The following CEP89 variants were observed in gnomAD, a reference collection of about 807,000 sequenced individuals.
The protein encoded by CEP89 is centrosomal protein of 89 kDa.
Under a neutral mutation model 97.6 loss-of-function variants are expected in CEP89, and 95 were observed. That is an observed-to-expected ratio of 0.97 (90% CI 0.82 to 1.15). CEP89 has a LOEUF of 1.15. Among genes scored for constraint, CEP89 ranks in the 50% most tolerant of loss-of-function variants. The probability of loss-of-function intolerance (pLI) is 0.00; values close to 1 mark genes in which losing one functional copy is unlikely to be tolerated. For missense variants in CEP89, 869 were observed against 947.7 expected (o/e 0.92, Z 1.09); for synonymous variants, 354 against 349.1 (o/e 1.01, Z -0.16).
chr19:32,915,354 A>T lies in CEP89; in HGVS notation c.1548T>A (p.Ile516=), dbSNP rs1970101385. ...GKIAVEVHKS[I]VNELKSQLQK... The stretch of plus-strand genomic sequence containing the variant: ...ATCCTTACCTTTTTAATTCATTCAC[A>T]ATTGATTTATGAACTTCCACTGCGA... The change falls in exon 14 of 19, where the codon ATT becomes ATA. Residue 516 remains isoleucine (I), a synonymous_variant. Coordinates refer to ENST00000305768, the MANE Select transcript of CEP89 (RefSeq NM_032816.5). 1 of 1,600,338 alleles carries T rather than the reference A, an allele frequency of 6.2e-7. No homozygotes were observed.
chr19:32,915,401 T>C lies in CEP89; in HGVS notation c.1501A>G (p.Lys501Glu). Residue 501 changes from lysine (K) to glutamate (E), a missense_variant, in exon 14 of 19, where the codon AAA (lysine) becomes GAA (glutamate). By Grantham distance (56) the Lys-to-Glu change is moderately conservative (BLOSUM62 1). Transcript: ENST00000305768. ...GCGATTTTGCCATCCGAGTGTGTTT[T>C]GAGTTCTTGGCATTTGGCACGTAAA... ...EILRAKCQELKTHSDGKIAVE... is the reference protein window; with the variant it reads ...EILRAKCQELETHSDGKIAVE... 1 of 1,613,940 alleles carries C rather than the reference T, an allele frequency of 6.2e-7. No individual in the cohort carries two copies.
At chr19:32,963,543 C>T (rs1034221256) in intron 2 of CEP89, 2 of 152,152 alleles carry the variant, frequency 1.3e-5, no homozygotes, top group African/African-American at 4.8e-5. Flanking sequence ...GTTCTGTCGT[C>T]AACAAGGTTG....
chr19:32,915,853 A>G (rs1970114698), intron 13 of CEP89, among the ~76,000 whole-genome samples: 1 of 151,542 alleles, frequency 6.6e-6, no homozygotes, highest in South Asian at 2.1e-4. Flanking sequence ...AGGAGGCGAG[A>G]AGGCTCAGTG....
chr19:32,902,247 G>A (rs530754959), intron 14 of CEP89, among the ~76,000 whole-genome samples: 4 of 152,182 alleles, frequency 2.6e-5, no homozygotes, highest in South Asian at 2.1e-4. Flanking sequence ...GGGTGTTACC[G>A]AATTTGCATA....
intron 14 of CEP89, 103 bp downstream of exon 14, chr19:32,915,234 A>G (rs1024388020): frequency 9.8e-7 from 1 of 1,020,188 alleles, no homozygotes; most frequent in African/African-American, 1.7e-5. Context: ...TGGGATGGGC[A>G]GATCACTTGA....
chr19:32,888,845 T>A (rs1300611017), intron 16 of CEP89, among the ~76,000 whole-genome samples: 2 of 151,938 alleles, frequency 1.3e-5, no homozygotes, highest in African/African-American at 4.8e-5. Flanking sequence ...AGTCTCGCTC[T>A]GTCACCCAGG....
rs1490528719 is a variant in CEP89 at position 32,951,530 on chromosome 19, TATATAC to T, written c.492+2079_492+2084del. ...AAAAAATTATATATATATATATATATATATACACACACACACACACACACACACACA... is the reference window on the plus strand; with the variant it reads ...AAAAAATTATATATATATATATATATACACACACACACACACACACACACA... On this transcript the variant is annotated intron_variant, in intron 4 of 18. Transcript: ENST00000305768. 4.2e-3 allele frequency among the ~76,000 whole-genome samples: 446 copies of T among 107,368 alleles called. 1 individual carries two copies. The highest frequency in any genetic ancestry group is 4.8e-3 in the Non-Finnish European group (255 of 52,720). 70.4% of individuals were successfully genotyped at this position (107,368 alleles called of 152,430 possible). A position where few individuals can be genotyped will look rare whatever the true frequency, so the allele number is the denominator to read the frequency against.
chr19:32,937,710 G>C, intron 6 of CEP89, 37 bp from the exon 7 acceptor site: 1 of 1,518,850 alleles, frequency 6.6e-7, no homozygotes, highest in East Asian at 2.3e-5. Context: ...TAAGTGCAGA[G>C]CATTAGTGTT....
At chr19:32,953,930 A>G in intron 3 of CEP89, 129 bp from the exon 4 acceptor site, 1 of 634,014 alleles carries the variant, frequency 1.6e-6, no homozygotes, top group Non-Finnish European at 2.6e-6. Context: ...GTGCAGTGGC[A>G]CAATCTCGGC....
At chr19:32,943,387 C>T (rs1387480325) in intron 5 of CEP89, among the ~76,000 whole-genome samples, 4 of 152,220 alleles carry the variant, frequency 2.6e-5, no homozygotes, top group East Asian at 1.9e-4. Context: ...TCAAAATTCA[C>T]CCATGACCAT....
chr19:32,950,146 C>T (rs758599363), intron 4 of CEP89, among the ~76,000 whole-genome samples: 10 of 152,074 alleles, frequency 6.6e-5, no homozygotes, highest in South Asian at 2.1e-4. Context: ...TGAGCCACCA[C>T]GCAAGGCCGA....
intron 17 of CEP89, among the ~76,000 whole-genome samples, chr19:32,885,634 T>G (rs1387696314): frequency 6.6e-6 from 1 of 152,224 alleles, no homozygotes; most frequent in Non-Finnish European, 1.5e-5. Context: ...TTTCTTTATC[T>G]TAAAGTCGTA....
intron 18 of CEP89, 149 bp downstream of exon 18, chr19:32,881,695 T>C (rs11666273): frequency 0.33 from 233,672 of 706,986 alleles, 41,074 homozygotes; most frequent in African/African-American, 0.37. Context: ...AAATAAAACT[T>C]GAGACCAATA....
chr19:32,886,096 C>T (rs1969389105), intron 17 of CEP89, among the ~76,000 whole-genome samples: 1 of 152,202 alleles, frequency 6.6e-6, no homozygotes, highest in African/African-American at 2.4e-5. Context: ...CTGACTGCCT[C>T]CTGAAGTCCT....
rs539760443 is a variant in CEP89, at chr19:32,926,048, C to T, written c.1164+142G>A. 2.2e-5 allele frequency: 15 copies of T among 694,060 alleles called. No individual in the cohort carries two copies. The Middle Eastern group carries it at 1.3e-3, about 61-fold the overall frequency. The allele number at this position is 694,060 out of a possible 1,614,324, so 43.0% of individuals were successfully genotyped here. On this transcript the variant is annotated intron_variant, in intron 11 of 18. Transcript: ENST00000305768. ...TGCCTCCCACCCTGCCACACTCCTT[C>T]CTTCCTCCTTTCTGTCCTCTAATAA...
intron 16 of CEP89, among the ~76,000 whole-genome samples, chr19:32,889,206 A>C (rs1158295664): frequency 6.6e-6 from 1 of 152,142 alleles, no homozygotes; most frequent in Non-Finnish European, 1.5e-5. Flanking sequence ...GGGCTGGCCT[A>C]GGCACTCCCA....
At chr19:32,932,292 T>C (rs1006267741) in intron 8 of CEP89, among the ~76,000 whole-genome samples, 11 of 150,298 alleles carry the variant, frequency 7.3e-5, no homozygotes, top group Admixed American at 2.0e-4. Context: ...AAACAGAAAA[T>C]AGATCCCACA....
intron 1 of CEP89, among the ~76,000 whole-genome samples, chr19:32,967,886 G>T (rs1260849597): frequency 1.3e-5 from 2 of 152,220 alleles, no homozygotes; most frequent in Non-Finnish European, 2.9e-5. Flanking sequence ...CAATTCCCAT[G>T]GGAAGGGCTT....
At chr19:32,948,245 A>T in intron 5 of CEP89, 21 bp downstream of exon 5, 1 of 1,408,132 alleles carries the variant, frequency 7.1e-7, no homozygotes, top group South Asian at 1.3e-5. Flanking sequence ...TTTTATAAAA[A>T]TTGTGGTTTT....
Sources: gnomAD v4.1 joint callset for allele counts (sites outside exome capture counted in the v4.1 genomes callset) on GRCh38, gnomAD v4.1.1 for gene constraint, MANE v1.5 for transcripts, NCBI Gene and HGNC (gene_info 2026-07-23, HGNC 2026-07-21) for gene names.